Variants in COLEC12 observed in about 807,000 individuals in gnomAD.
COLEC12 encodes collectin subfamily member 12.
Under a neutral mutation model 71.1 loss-of-function variants are expected in COLEC12, and 33 were observed. That is an observed-to-expected ratio of 0.46 (90% CI 0.35 to 0.62). The LOEUF (loss-of-function observed/expected upper bound fraction) is 0.62. Among genes scored for constraint, COLEC12 ranks in the 20% least tolerant of loss-of-function variants. The pLI, the probability that COLEC12 is intolerant of heterozygous loss-of-function variation, is 0.00. For missense variants in COLEC12, 765 were observed against 916.1 expected (o/e 0.84, Z 2.13); for synonymous variants, 350 against 353.0 (o/e 0.99, Z 0.10).
At chr18:465,687 T>C (rs1267428184) in intron 2 of COLEC12, among the ~76,000 whole-genome samples, 7 of 152,192 alleles carry the variant, frequency 4.6e-5, no homozygotes, top group Admixed American at 3.3e-4. Context: ...AGGCCTATTA[T>C]CTTAATTAAT....
intron 2 of COLEC12, among the ~76,000 whole-genome samples, chr18:463,739 C>G (rs993795177): frequency 6.6e-6 from 1 of 152,230 alleles, no homozygotes; most frequent in Non-Finnish European, 1.5e-5. Flanking sequence ...CGTTGTCACA[C>G]GTCCATCACC....
chr18:479,212 A>G (rs553823300), intron 2 of COLEC12, among the ~76,000 whole-genome samples: 3 of 152,042 alleles, frequency 2.0e-5, no homozygotes, highest in Admixed American at 6.5e-5. Context: ...CCCCCCCGGG[A>G]AAGAACACAG....
chr18:331,584 G>A, intron 8 of COLEC12, 84 bp downstream of exon 8: 1 of 871,262 alleles, frequency 1.1e-6, no homozygotes, highest in Non-Finnish European at 1.9e-6. Flanking sequence ...GGTCATTAAG[G>A]AAGAAACTGT....
chr18:465,806 C>A (rs1917073718), intron 2 of COLEC12, among the ~76,000 whole-genome samples: 1 of 152,208 alleles, frequency 6.6e-6, no homozygotes, highest in Non-Finnish European at 1.5e-5. Flanking sequence ...GGCACAGTGG[C>A]TCACACCTGT....
At chr18:486,622 C>T (rs904380271) in intron 1 of COLEC12, among the ~76,000 whole-genome samples, 1 of 152,190 alleles carries the variant, frequency 6.6e-6, no homozygotes, top group East Asian at 1.9e-4. Context: ...AGGGGTTCCA[C>T]ACCATGATGG....
At chr18:434,750 A>G (rs551180875) in intron 2 of COLEC12, among the ~76,000 whole-genome samples, 2 of 152,346 alleles carry the variant, frequency 1.3e-5, no homozygotes, top group Admixed American at 6.5e-5. Context: ...CACTCTCCCC[A>G]GCTGAACATA....
chr18:482,360 C>T (rs1426921893), intron 1 of COLEC12, among the ~76,000 whole-genome samples: 2 of 152,054 alleles, frequency 1.3e-5, no homozygotes, highest in African/African-American at 2.4e-5. Context: ...GTGATCCACC[C>T]ACCTCAGCCT....
intron 2 of COLEC12, among the ~76,000 whole-genome samples, chr18:394,334 A>G (rs1222373635): frequency 6.6e-6 from 1 of 152,244 alleles, no homozygotes. Context: ...GCAACCAATT[A>G]TTTGATCCAT....
intron 3 of COLEC12, among the ~76,000 whole-genome samples, chr18:350,754 C>T (rs1416351874): frequency 1.3e-5 from 2 of 151,860 alleles, no homozygotes; most frequent in East Asian, 1.9e-4. Flanking sequence ...ATGGTGAAAC[C>T]CCATCTCTAC....
chr18:436,823 G>A (rs1916416635), intron 2 of COLEC12, among the ~76,000 whole-genome samples: 1 of 152,016 alleles, frequency 6.6e-6, no homozygotes, highest in African/African-American at 2.4e-5. Flanking sequence ...CGAGGCCAAG[G>A]TCCAGGTTTT....
chr18:442,972 T>C (rs1020612600), intron 2 of COLEC12, among the ~76,000 whole-genome samples: 1 of 152,020 alleles, frequency 6.6e-6, no homozygotes, highest in Admixed American at 6.5e-5. Flanking sequence ...AAAAAATAAA[T>C]AAAATAAAAT....
intron 2 of COLEC12, among the ~76,000 whole-genome samples, chr18:416,369 A>G (rs916195339): frequency 6.6e-6 from 1 of 152,210 alleles, no homozygotes; most frequent in African/African-American, 2.4e-5. Flanking sequence ...GATCTGATAT[A>G]GAGGGAAGGA....
At chr18:348,033 G>A (rs1231478962) in intron 4 of COLEC12, 32 bp downstream of exon 4, 3 of 1,377,968 alleles carry the variant, frequency 2.2e-6, no homozygotes, top group East Asian at 2.3e-5. Flanking sequence ...TAGAGTCAGG[G>A]GATTTCATGG....
At chr18:335,365 G>T in intron 5 of COLEC12, 135 bp from the exon 6 acceptor site, 1 of 939,102 alleles carries the variant, frequency 1.1e-6, no homozygotes, top group Non-Finnish European at 1.5e-6. Context: ...AAGACCATCT[G>T]TTTATCATAC....
intron 2 of COLEC12, among the ~76,000 whole-genome samples, chr18:419,672 T>C (rs1426113052): frequency 6.6e-6 from 1 of 152,242 alleles, no homozygotes; most frequent in East Asian, 1.9e-4. Context: ...CAGAGTGAGA[T>C]AAAAATAATT....
chr18:493,074 G>GC, intron 1 of COLEC12, among the ~76,000 whole-genome samples: 1 of 152,290 alleles, frequency 6.6e-6, no homozygotes, highest in South Asian at 2.1e-4. Flanking sequence ...ATGGTGGCAC[G>GC]CACCTGTACT....
intron 2 of COLEC12, among the ~76,000 whole-genome samples, chr18:406,442 G>A (rs2143626272): frequency 6.9e-6 from 1 of 145,750 alleles, no homozygotes; most frequent in South Asian, 2.2e-4. Flanking sequence ...CCGGGAAGCG[G>A]AGCTTGCAGT....
chr18:440,429 A>AT (rs1916496202), intron 2 of COLEC12, among the ~76,000 whole-genome samples: 1 of 152,090 alleles, frequency 6.6e-6, no homozygotes, highest in African/African-American at 2.4e-5. Context: ...GAAGGGATAA[A>AT]TGTGTTAATA....
chr18:500,439 C>CG lies in COLEC12; in HGVS notation c.7+68dup. On this transcript the variant is annotated intron_variant, in intron 1 of 9. Transcript: ENST00000400256. This position sits in a 1 kb window ranked among gnomAD's most constrained non-coding sequence, Gnocchi z 5.3. ...GGAAGGTTCGCGCGGGAGGCACCTC[C>CG]GTGGCCTCCCGCGCGCCCCGAAGCC... 7.9e-6 allele frequency: 7 copies of CG among 883,896 alleles called. No individual in the cohort carries two copies. The highest frequency in any genetic ancestry group is 6.8e-6 in the Non-Finnish European group (5 of 732,952). The allele number at this position is 883,896 out of a possible 1,614,324, so 54.8% of individuals were successfully genotyped here. A position where few individuals can be genotyped will look rare whatever the true frequency, so the allele number is the denominator to read the frequency against.
Sources: gnomAD v4.1 joint callset for allele counts (sites outside exome capture counted in the v4.1 genomes callset) on GRCh38, gnomAD v4.1.1 for gene constraint, Gnocchi (gnomAD v3.1) non-coding constraint, MANE v1.5 for transcripts, NCBI Gene and HGNC (gene_info 2026-07-23, HGNC 2026-07-21) for gene names.